MARCO: variants seen among roughly 807,000 people sequenced by gnomAD.
MARCO encodes macrophage receptor MARCO.
Under a neutral mutation model 70.0 loss-of-function variants are expected in MARCO, and 72 were observed. The observed-to-expected ratio is 1.03, with a 90% confidence interval of 0.85 to 1.25. The LOEUF is 1.25. MARCO is among the 50% of genes most tolerant of loss of function. MARCO has a pLI of 0.00. For missense variants in MARCO, 696 were observed against 659.3 expected, an observed-to-expected ratio of 1.06 and a Z score of -0.61; for synonymous variants, 273 against 243.1, an observed-to-expected ratio of 1.12 and a Z score of -1.14.
intron 6 of MARCO, 101 bp from the exon 7 acceptor site, chr2:118,977,370 G>A (rs774209872): frequency 6.1e-5 from 57 of 940,448 alleles, no homozygotes; most frequent in Non-Finnish European, 8.2e-5. Flanking sequence ...TCTCCTTCTG[G>A]GAACCTTGCT....
intron 1 of MARCO, among the ~76,000 whole-genome samples, chr2:118,950,673 A>G (rs903266963): frequency 6.6e-6 from 1 of 152,190 alleles, no homozygotes; most frequent in African/African-American, 2.4e-5. Context: ...TTTACAGACA[A>G]TTCTTCGACA....
intron 4 of MARCO, among the ~76,000 whole-genome samples, chr2:118,973,313 G>A (rs1047384783): frequency 2.0e-5 from 3 of 151,648 alleles, no homozygotes; most frequent in East Asian, 1.9e-4. Context: ...GAATATAGAT[G>A]TATGTACATA....
At chr2:118,963,319 A>AT (rs60649489) in intron 1 of MARCO, among the ~76,000 whole-genome samples, 27,872 of 151,610 alleles carry the variant, frequency 0.18, 3,391 homozygotes, top group African/African-American at 0.33. Context: ...TATTTTTAAA[A>AT]TTTTTTTGAT....
Position 118,961,650 on chromosome 2 carries a change from T to G in MARCO, c.98-7510T>G, listed in dbSNP as rs560578193. Among the ~76,000 whole-genome samples the G allele has an allele frequency of 2.6e-5, 4 of 152,320 alleles. No individual in the cohort carries two copies. The South Asian group carries it at 8.3e-4, about 32-fold the overall frequency. ...TCAGATGGATAGATCGCAAAAAATT[T>G]TCTCTCACTCTGTAGGTTGCCTGTT... On this transcript the variant is annotated intron_variant, in intron 1 of 16. Transcript: ENST00000327097.
At chr2:118,965,217 G>A (rs1680022554) in intron 1 of MARCO, among the ~76,000 whole-genome samples, 2 of 152,078 alleles carry the variant, frequency 1.3e-5, no homozygotes, top group African/African-American at 4.8e-5. Context: ...AGGTCTCTGA[G>A]GCTCTGTTCA....
intron 16 of MARCO, 83 bp downstream of exon 16, chr2:118,993,383 T>C (rs1356641124): frequency 1.4e-5 from 20 of 1,390,066 alleles, no homozygotes; most frequent in African/African-American, 5.8e-5. Context: ...GGCAAGTGAC[T>C]CAGTGTGGTT....
Position 118,982,219 on chromosome 2 carries a change from G to T in MARCO, c.965G>T (p.Gly322Val). 6.2e-7 allele frequency: 1 copy of T among 1,613,418 alleles called. No homozygotes were observed. Among genetic ancestry groups the T allele is most frequent in the Non-Finnish European group, 8.5e-7 (1 of 1,179,506 alleles). The part of the protein sequence containing the change: ...PGAVGHPGAK[G>V]EPGSAGSPGR... ...GCAGTGGGACACCCAGGTGCCAAGG[G>T]TGAGCCTGGCAGTGCTGGCTCCCCT... The change falls in exon 11 of 17, where the codon GGT becomes GTT. Residue 322 changes from glycine to valine, a missense_variant. Around this residue, in one of 3 missense-constraint regions of MARCO, gnomAD observed 605 missense variants for 537.6 expected, o/e 1.13. Transcript: ENST00000327097.
chr2:118,977,815 A>G lies in MARCO; in HGVS notation c.659-13A>G, dbSNP rs775933037. On this transcript the variant is annotated splice_polypyrimidine_tract_variant and intron_variant, in intron 7 of 16. Coordinates refer to ENST00000327097, the MANE Select transcript of MARCO (RefSeq NM_006770.4). Reference sequence around the variant, plus strand: ...ATAGTGGGAGCCCATCTCACCAGCCATTCTCTTTGCAGGCACCCCAGGACC... The same window carrying G: ...ATAGTGGGAGCCCATCTCACCAGCCGTTCTCTTTGCAGGCACCCCAGGACC... 10 of 1,602,404 alleles carry G rather than the reference A, an allele frequency of 6.2e-6. No homozygotes were observed. In the East Asian group the frequency reaches 1.3e-4, roughly 22 times the overall value.
At chr2:118,971,016 C>T (rs970627568) in intron 3 of MARCO, among the ~76,000 whole-genome samples, 1 of 152,206 alleles carries the variant, frequency 6.6e-6, no homozygotes, top group Non-Finnish European at 1.5e-5. Context: ...GCACGGGACC[C>T]AGGAGGCCAA....
chr2:118,986,463 T>C (rs1680484542), intron 12 of MARCO, among the ~76,000 whole-genome samples: 1 of 147,512 alleles, frequency 6.8e-6, no homozygotes, highest in African/African-American at 2.5e-5. Flanking sequence ...GAGCCTGCAG[T>C]GAGCTATGAT....
At chr2:118,961,713 T>C (rs144180625) in intron 1 of MARCO, among the ~76,000 whole-genome samples, 6,483 of 152,272 alleles carry the variant, frequency 0.043, 479 homozygotes, top group African/African-American at 0.15. Context: ...GCAAAAGCTC[T>C]TTAGTTTAAT....
At chr2:118,956,728 G>T (rs1409928196) in intron 1 of MARCO, among the ~76,000 whole-genome samples, 1 of 152,074 alleles carries the variant, frequency 6.6e-6, no homozygotes, top group East Asian at 1.9e-4. Context: ...CTCCAAGAGA[G>T]ACCATATGAT....
intron 1 of MARCO, chr2:118,949,344 G>A (rs1042084039): frequency 3.3e-5 from 5 of 152,156 alleles, no homozygotes; most frequent in African/African-American, 1.2e-4. Flanking sequence ...TTTTAACCAG[G>A]CATTTACATC....
At chr2:118,981,341 T>G (rs1680384269) in intron 8 of MARCO, 68 bp from the exon 9 acceptor site, 3 of 986,508 alleles carry the variant, frequency 3.0e-6, no homozygotes, top group Non-Finnish European at 4.7e-6. Flanking sequence ...ATGGGAAGTG[T>G]CAGAGGAGGA....
chr2:118,963,696 G>A (rs1679991375), intron 1 of MARCO, among the ~76,000 whole-genome samples: 1 of 152,028 alleles, frequency 6.6e-6, no homozygotes. Context: ...AACTATAATT[G>A]TGTATTGTCT....
rs544698206 is a variant in MARCO at position 118,994,365 on chromosome 2, C to G, written c.1430-22C>G. 2.0e-4 allele frequency: 321 copies of G among 1,614,006 alleles called. 1 individual carries two copies. The South Asian group carries it at 3.3e-3, about 17-fold the overall frequency. On this transcript the variant is annotated intron_variant, in intron 16 of 16. Coordinates refer to ENST00000327097, the MANE Select transcript of MARCO (RefSeq NM_006770.4). ...TCTAATCCTACCCTTCTTCCTCTGTCTCTTGCTTTCTCTCTATCAAGGCAC... is the reference window on the plus strand; with the variant it reads ...TCTAATCCTACCCTTCTTCCTCTGTGTCTTGCTTTCTCTCTATCAAGGCAC...
At chr2:118,956,678 C>T (rs1008769986) in intron 1 of MARCO, among the ~76,000 whole-genome samples, 2 of 152,098 alleles carry the variant, frequency 1.3e-5, no homozygotes, top group South Asian at 2.1e-4. Context: ...CATCCAACAA[C>T]CAAAGAATAC....
chr2:118,987,621 G>T (rs1467368446), intron 12 of MARCO, among the ~76,000 whole-genome samples: 1 of 152,222 alleles, frequency 6.6e-6, no homozygotes, highest in Non-Finnish European at 1.5e-5. Flanking sequence ...TGGGCTGTAA[G>T]CTGGTCGCTC....
chr2:118,994,324 G>T, intron 16 of MARCO, 63 bp from the exon 17 acceptor site: 4 of 1,596,138 alleles, frequency 2.5e-6, no homozygotes, highest in South Asian at 2.2e-5. Flanking sequence ...CGCACACGTG[G>T]CTTCTTTGCT....
Sources: gnomAD v4.1 joint callset for allele counts (sites outside exome capture counted in the v4.1 genomes callset) on GRCh38, gnomAD v4.1.1 for gene constraint, gnomAD v4.1.1 regional missense constraint, MANE v1.5 for transcripts, NCBI Gene and HGNC (gene_info 2026-07-23, HGNC 2026-07-21) for gene names.